Variants in PDE8B observed in about 807,000 individuals in gnomAD.
PDE8B encodes phosphodiesterase 8B, also known as high affinity cAMP-specific and IBMX-insensitive 3',5'-cyclic phosphodiesterase 8B.
PDE8B carries 26 observed loss-of-function variants against 101.3 expected under a neutral mutation model. The ratio of observed to expected loss-of-function variants is 0.26; its 90% CI spans 0.19 to 0.36. The LOEUF (loss-of-function observed/expected upper bound fraction) is 0.36, where lower values mean the gene tolerates loss of function less well. Among genes scored for constraint, PDE8B ranks in the 10% least tolerant of loss-of-function variants. PDE8B has a pLI of 1.00. For missense variants in PDE8B, 810 were observed against 1,163.1 expected (o/e 0.70, Z 4.42); for synonymous variants, 424 against 429.3 (o/e 0.99, Z 0.15).
the PDE8B span, among the ~76,000 whole-genome samples, chr5:77,158,673 CTT>C: frequency 3.3e-5 from 5 of 152,342 alleles, no homozygotes; most frequent in East Asian, 9.7e-4. Context: ...GTAGCCGACT[CTT>C]TTCACACATG....
intron 1 of PDE8B, among the ~76,000 whole-genome samples, chr5:77,234,804 C>G (rs912303914): frequency 1.3e-5 from 2 of 152,168 alleles, no homozygotes. Flanking sequence ...GCTTAGAATT[C>G]CAGCTGCCAC....
intron 1 of PDE8B, among the ~76,000 whole-genome samples, chr5:77,301,969 G>A (rs1010685002): frequency 6.6e-6 from 1 of 151,996 alleles, no homozygotes; most frequent in Non-Finnish European, 1.5e-5. Context: ...CCTCCTTTGG[G>A]TACTTGTCAT....
At chr5:77,144,185 C>T in the PDE8B span, 79 of 152,298 alleles carry the variant, frequency 5.2e-4, no homozygotes, top group African/African-American at 1.9e-3. Flanking sequence ...ACATCTCAGG[C>T]ACTGGGTCCA....
intron 12 of PDE8B, among the ~76,000 whole-genome samples, chr5:77,406,021 T>A (rs1793358832): frequency 6.6e-6 from 1 of 152,106 alleles, no homozygotes; most frequent in Non-Finnish European, 1.5e-5. Flanking sequence ...GTGCGATGGC[T>A]CATGCCTGTG....
the PDE8B span, among the ~76,000 whole-genome samples, chr5:77,198,719 G>A: frequency 6.6e-6 from 1 of 151,934 alleles, no homozygotes; most frequent in South Asian, 2.1e-4. Context: ...ATGGAAGGAG[G>A]GTAAATTTGG....
chr5:77,396,420 C>G (rs1183359469), intron 10 of PDE8B, among the ~76,000 whole-genome samples: 2 of 152,206 alleles, frequency 1.3e-5, no homozygotes, highest in Non-Finnish European at 2.9e-5. Flanking sequence ...AACCAAGGTA[C>G]TGAATATTTC....
the PDE8B span, among the ~76,000 whole-genome samples, chr5:77,136,606 T>A: frequency 6.6e-6 from 1 of 152,220 alleles, no homozygotes. Context: ...TTGGTTCCAC[T>A]GCAGTGTGTA....
chr5:77,412,017 G>T, intron 15 of PDE8B, 83 bp from the exon 16 acceptor site: 1 of 1,404,900 alleles, frequency 7.1e-7, no homozygotes, highest in Admixed American at 1.7e-5. Flanking sequence ...TTTTCTAGTA[G>T]TAACTATGAA....
rs1794054495 is a variant in PDE8B at position 77,409,123 on chromosome 5, T to G, written c.1530+66T>G. 5 of 1,362,642 alleles carry G rather than the reference T, an allele frequency of 3.7e-6. No homozygotes were observed. In the Admixed American group the frequency reaches 8.6e-5, roughly 23 times the overall value. 84.4% of individuals were successfully genotyped at this position (1,362,642 alleles called of 1,614,324 possible). A position where few individuals can be genotyped will look rare whatever the true frequency, so the allele number is the denominator to read the frequency against. Reference sequence around the variant, plus strand: ...CGGGGCCTCTAGAGTGCAGCTGATGTGGAAACTGTTACCTGTGGTTGCAGA... The same window carrying G: ...CGGGGCCTCTAGAGTGCAGCTGATGGGGAAACTGTTACCTGTGGTTGCAGA... On this transcript the variant is annotated intron_variant, in intron 14 of 21. Transcript: ENST00000264917.
chr5:77,223,171 T>A (rs1035947186), intron 1 of PDE8B, among the ~76,000 whole-genome samples: 2 of 152,190 alleles, frequency 1.3e-5, no homozygotes, highest in African/African-American at 4.8e-5. Flanking sequence ...ATATTAAAAA[T>A]ATTATTTTGA....
intron 1 of PDE8B, among the ~76,000 whole-genome samples, chr5:77,259,049 G>GACACAC (rs10552319): frequency 3.9e-5 from 3 of 76,694 alleles, no homozygotes; most frequent in Admixed American, 1.7e-4. Flanking sequence ...CACACACACA[G>GACACAC]ACACACACAC....
chr5:77,420,235 A>G (rs1464068774), intron 19 of PDE8B, among the ~76,000 whole-genome samples: 1 of 152,170 alleles, frequency 6.6e-6, no homozygotes, highest in Non-Finnish European at 1.5e-5. Context: ...AGCTCTTGGA[A>G]AACCTCAAAG....
At chr5:77,362,649 C>A (rs1229665404) in intron 10 of PDE8B, among the ~76,000 whole-genome samples, 1 of 152,228 alleles carries the variant, frequency 6.6e-6, no homozygotes, top group African/African-American at 2.4e-5. Flanking sequence ...ACTGACTAAA[C>A]CATCATCAGG....
chr5:77,130,871 C>G, the PDE8B span, among the ~76,000 whole-genome samples: 25,791 of 152,116 alleles, frequency 0.17, 2,706 homozygotes, highest in East Asian at 0.46. Context: ...TATTGCTATT[C>G]CCAGTTTACT....
chr5:77,128,522 G>C, the PDE8B span, among the ~76,000 whole-genome samples: 1 of 152,174 alleles, frequency 6.6e-6, no homozygotes, highest in Non-Finnish European at 1.5e-5. Context: ...ACAGACTCTG[G>C]TGTCAGACAA....
chr5:77,295,821 A>G (rs1768401807), intron 1 of PDE8B, among the ~76,000 whole-genome samples: 1 of 152,210 alleles, frequency 6.6e-6, no homozygotes, highest in South Asian at 2.1e-4. Flanking sequence ...AGTGTTACAA[A>G]GGATCTTGTT....
chr5:77,278,179 A>G (rs1175866285), intron 1 of PDE8B, among the ~76,000 whole-genome samples: 1 of 152,112 alleles, frequency 6.6e-6, no homozygotes, highest in Non-Finnish European at 1.5e-5. Flanking sequence ...CACCTCTTCT[A>G]TAGGTAAACG....
chr5:77,099,232 T>G, the PDE8B span, among the ~76,000 whole-genome samples: 2 of 152,212 alleles, frequency 1.3e-5, no homozygotes. Context: ...TATCCTGAGG[T>G]AGTTTTAGGC....
chr5:77,377,160 C>T (rs1390167727), intron 10 of PDE8B, among the ~76,000 whole-genome samples: 1 of 152,184 alleles, frequency 6.6e-6, no homozygotes, highest in African/African-American at 2.4e-5. Flanking sequence ...CCCACATATG[C>T]TCAACATTGA....
Sources: allele counts gnomAD v4.1 joint callset (sites outside exome capture counted in the v4.1 genomes callset), GRCh38; gene constraint gnomAD v4.1.1; transcripts MANE v1.5; gene names NCBI Gene and HGNC (gene_info 2026-07-23, HGNC 2026-07-21).